Variants in NAALADL2 observed in about 807,000 individuals in gnomAD.
The protein encoded by NAALADL2 is inactive N-acetylated-alpha-linked acidic dipeptidase-like protein 2.
A neutral mutation model predicts 87.2 loss-of-function variants in NAALADL2; 76 were observed. The ratio of observed to expected loss-of-function variants is 0.87; its 90% CI spans 0.72 to 1.05. NAALADL2 has a LOEUF of 1.05. NAALADL2 is among the 50% of genes least tolerant of loss of function. The pLI, the probability that NAALADL2 is intolerant of heterozygous loss-of-function variation, is 0.00. For missense variants in NAALADL2, 1,089 were observed against 945.8 expected (o/e 1.15, Z -1.99); for synonymous variants, 354 against 331.0 (o/e 1.07, Z -0.75).
chr3:174,524,784 C>T (rs1720586646), intron 1 of NAALADL2, among the ~76,000 whole-genome samples: 1 of 152,042 alleles, frequency 6.6e-6, no homozygotes, highest in African/African-American at 2.4e-5. Context: ...GCTGATCTCT[C>T]CTGCCTCAGC....
chr3:175,412,769 GT>G (rs746572127), intron 5 of NAALADL2, among the ~76,000 whole-genome samples: 12 of 151,322 alleles, frequency 7.9e-5, no homozygotes, highest in Non-Finnish European at 1.6e-4. Context: ...TGTATCTTGT[GT>G]TAAATTTCAA....
intron 2 of NAALADL2, among the ~76,000 whole-genome samples, chr3:174,729,575 G>T (rs1441908510): frequency 6.6e-6 from 1 of 151,888 alleles, no homozygotes; most frequent in Non-Finnish European, 1.5e-5. Context: ...TATATACTTT[G>T]TGTTATACAT....
At chr3:175,289,866 C>A (rs1755436122) in intron 4 of NAALADL2, among the ~76,000 whole-genome samples, 1 of 152,006 alleles carries the variant, frequency 6.6e-6, no homozygotes, top group Non-Finnish European at 1.5e-5. Flanking sequence ...ATATATAACT[C>A]TAACAAAGGA....
In NAALADL2 at chr3:175,803,202, G is replaced by A; in HGVS notation, c.2387G>A (p.Ter796=). 1.9e-6 allele frequency: 3 copies of A among 1,589,046 alleles called. No individual in the cohort carries two copies. The highest frequency in any genetic ancestry group is 1.3e-5 in the African/African-American group (1 of 74,190). The change falls in exon 14 of 14, where the codon TGA becomes TAA. Residue 796 remains the stop codon, a stop_retained_variant. Coordinates refer to ENST00000454872, the MANE Select transcript of NAALADL2 (RefSeq NM_207015.3). ...VFKSVLDGKN[*] The stretch of plus-strand genomic sequence containing the variant: ...AAGAGTGTCTTGGATGGGAAGAATT[G>A]AGAAAACTCTGAGCATTTTTAAAAG...
Position 175,471,592 on chromosome 3 carries a change from CTATT to C in NAALADL2, c.1534-41_1534-38del, listed in dbSNP as rs775308773. Reference sequence around the variant, plus strand: ...CAACATCTAACTAATAAAGTAGAATCTATTTATTTGTCTTACAGATAGATCCTTT... The same window carrying C: ...CAACATCTAACTAATAAAGTAGAATCTATTTGTCTTACAGATAGATCCTTT... On this transcript the variant is annotated intron_variant, in intron 8 of 13. Coordinates refer to ENST00000454872, the MANE Select transcript of NAALADL2 (RefSeq NM_207015.3). 7.6e-6 allele frequency: 8 copies of C among 1,050,012 alleles called. No homozygotes were observed. In the African/African-American group the frequency reaches 9.7e-5, roughly 13 times the overall value. 65.0% of individuals were successfully genotyped at this position (1,050,012 alleles called of 1,614,324 possible).
chr3:175,338,643 ACACACACACACACACAC>A (rs1762267807), intron 5 of NAALADL2, among the ~76,000 whole-genome samples: 1 of 146,594 alleles, frequency 6.8e-6, no homozygotes, highest in Non-Finnish European at 1.5e-5. Context: ...ACACACACAC[ACACACACACACACACAC>A]ACAAACAAAC....
intron 5 of NAALADL2, among the ~76,000 whole-genome samples, chr3:175,386,756 G>A (rs1036194132): frequency 6.6e-6 from 1 of 152,130 alleles, no homozygotes; most frequent in Non-Finnish European, 1.5e-5. Flanking sequence ...TGAGATGTGA[G>A]TCATTCCTTT....
intron 2 of NAALADL2, among the ~76,000 whole-genome samples, chr3:175,186,494 T>G (rs1438063436): frequency 6.6e-6 from 1 of 152,142 alleles, no homozygotes; most frequent in Non-Finnish European, 1.5e-5. Context: ...GTTTAAATCA[T>G]TTTGAAAACA....
chr3:174,537,658 GC>G (rs1721851907), intron 1 of NAALADL2, among the ~76,000 whole-genome samples: 1 of 152,158 alleles, frequency 6.6e-6, no homozygotes, highest in Non-Finnish European at 1.5e-5. Context: ...GGGCACCTAA[GC>G]CAGGCTAGGT....
At chr3:174,814,523 C>T (rs572397209) in intron 3 of NAALADL2, among the ~76,000 whole-genome samples, 26 of 151,914 alleles carry the variant, frequency 1.7e-4, no homozygotes, top group African/African-American at 6.0e-4. Context: ...TTAATAATAT[C>T]CAATTTAAGT....
At chr3:175,188,941 C>T (rs1737747576) in intron 2 of NAALADL2, among the ~76,000 whole-genome samples, 1 of 152,080 alleles carries the variant, frequency 6.6e-6, no homozygotes, top group Non-Finnish European at 1.5e-5. Flanking sequence ...ATGCTGCACC[C>T]TTCCTCCCAC....
Position 174,642,765 on chromosome 3 carries a change from TA to T in NAALADL2, c.-115+92129del, listed in dbSNP as rs1560112420. Among the ~76,000 whole-genome samples the T allele has an allele frequency of 8.1e-3, 380 of 47,056 alleles. 6 individuals are homozygous for T. The highest frequency in any genetic ancestry group is 0.023 in the African/African-American group (363 of 16,062). 30.9% of individuals were successfully genotyped at this position (47,056 alleles called of 152,430 possible). A position where few individuals can be genotyped will look rare whatever the true frequency, so the allele number is the denominator to read the frequency against. ...GAAAAAAAACATATATATATATATA[TA>T]TATATATATATATATATATATATGT... On this transcript the variant is annotated intron_variant, in intron 2 of 3. Coordinates refer to the NAALADL2 transcript ENST00000434257.
intron 1 of NAALADL2, among the ~76,000 whole-genome samples, chr3:175,044,827 C>G (rs1207408838): frequency 6.6e-6 from 1 of 151,988 alleles, no homozygotes; most frequent in Non-Finnish European, 1.5e-5. Flanking sequence ...TCAGTTGTTA[C>G]TGCTTCTTAT....
chr3:175,203,601 C>T (rs375265872), intron 2 of NAALADL2, among the ~76,000 whole-genome samples: 6 of 126,824 alleles, frequency 4.7e-5, no homozygotes, highest in Non-Finnish European at 9.3e-5. Context: ...ATTCACAGCG[C>T]AAGTCTCCTC....
chr3:175,683,380 G>A (rs943911936), intron 11 of NAALADL2, among the ~76,000 whole-genome samples: 13 of 152,072 alleles, frequency 8.5e-5, no homozygotes, highest in Middle Eastern at 3.4e-3. Context: ...GTTGTGAGGT[G>A]TAGGACATAG....
At chr3:175,164,757 GA>G (rs1733746001) in intron 2 of NAALADL2, among the ~76,000 whole-genome samples, 2 of 152,234 alleles carry the variant, frequency 1.3e-5, no homozygotes, top group South Asian at 4.2e-4. Flanking sequence ...ACAACTATAA[GA>G]GCTAACAGAT....
intron 1 of NAALADL2, among the ~76,000 whole-genome samples, chr3:174,947,551 T>C (rs1027647757): frequency 6.6e-6 from 1 of 152,158 alleles, no homozygotes; most frequent in Non-Finnish European, 1.5e-5. Flanking sequence ...ATAAGAAGAA[T>C]GTGGGACTCT....
At chr3:174,548,424 G>C (rs941654956) in intron 1 of NAALADL2, among the ~76,000 whole-genome samples, 1 of 152,036 alleles carries the variant, frequency 6.6e-6, no homozygotes, top group South Asian at 2.1e-4. Context: ...AGATAGTTTT[G>C]TCTCTGCATT....
At chr3:174,945,542 G>A (rs1389527934) in intron 1 of NAALADL2, among the ~76,000 whole-genome samples, 1 of 152,144 alleles carries the variant, frequency 6.6e-6, no homozygotes, top group Non-Finnish European at 1.5e-5. Context: ...GATTCCCTGA[G>A]GTTTTCCAAA....
Sources: allele counts gnomAD v4.1 joint callset (sites outside exome capture counted in the v4.1 genomes callset), GRCh38; gene constraint gnomAD v4.1.1; transcripts MANE v1.5; gene names NCBI Gene and HGNC (gene_info 2026-07-23, HGNC 2026-07-21).